Variants in ZNF804B observed in about 807,000 individuals in gnomAD.
ZNF804B encodes zinc finger 804B.
Under a neutral mutation model 101.4 loss-of-function variants are expected in ZNF804B, and 80 were observed. The observed-to-expected ratio is 0.79, with a 90% CI of 0.66 to 0.95. The LOEUF is 0.95. ZNF804B is among the 40% of genes least tolerant of loss of function. The pLI is 0.00. For synonymous variants in ZNF804B, 622 were observed against 558.8 expected (o/e 1.11, Z -1.59); for missense variants, 1,673 against 1,561.9 (o/e 1.07, Z -1.20).
chr7:88,982,604 G>A (rs1271903783), intron 1 of ZNF804B, among the ~76,000 whole-genome samples: 1 of 151,926 alleles, frequency 6.6e-6, no homozygotes, highest in African/African-American at 2.4e-5. Context: ...TTTTTATAAG[G>A]ACACCAGTCA....
chr7:89,032,763 A>G lies in ZNF804B; in HGVS notation c.109-185392A>G, dbSNP rs535540984. ...TAGGGAAATTGTTAGGTTTGCAGAC[A>G]TAACCTACCTGGGAATGCAGAAACT... On this transcript the variant is annotated intron_variant, in intron 1 of 3. Coordinates refer to ENST00000333190, the MANE Select transcript of ZNF804B (RefSeq NM_181646.5). 6.6e-5 allele frequency among the ~76,000 whole-genome samples: 10 copies of G among 152,206 alleles called. No homozygotes were observed. In the East Asian group the frequency reaches 1.9e-3, roughly 29 times the overall value.
rs1791027935 is a variant in ZNF804B, at chr7:89,333,869, T to G, written c.887T>G (p.Ile296Ser). 6.2e-7 allele frequency: 1 copy of G among 1,611,242 alleles called. No homozygotes were observed. The highest frequency in any genetic ancestry group is 1.3e-5 in the African/African-American group (1 of 74,710). Reference sequence around the variant, plus strand: ...CTGGAAAGTGTTTTACACAATACCATCTCCATAAACTCTAAAATTTTGCAA... The same window carrying G: ...CTGGAAAGTGTTTTACACAATACCAGCTCCATAAACTCTAAAATTTTGCAA... ...SHLESVLHNT[I>S]SINSKILQDK... The change falls in exon 4 of 4, where the codon ATC (isoleucine) becomes AGC (serine). Residue 296 changes from isoleucine to serine, a missense_variant. By Grantham distance (142) the Ile-to-Ser change is moderately radical. Coordinates refer to ENST00000333190, the MANE Select transcript of ZNF804B (RefSeq NM_181646.5).
intron 1 of ZNF804B, among the ~76,000 whole-genome samples, chr7:88,964,952 A>G (rs1180108031): frequency 6.6e-6 from 1 of 151,462 alleles, no homozygotes; most frequent in Admixed American, 6.6e-5. Context: ...TTCAGAGAGA[A>G]ATTTTGGGCA....
chr7:89,004,909 C>T (rs1024339200), intron 1 of ZNF804B, among the ~76,000 whole-genome samples: 2 of 151,808 alleles, frequency 1.3e-5, no homozygotes, highest in African/African-American at 4.8e-5. Context: ...ATCATTAATT[C>T]TTGGCTATAT....
rs1054435696 is a variant in ZNF804B at position 89,111,140 on chromosome 7, T to G, written c.109-107015T>G. On this transcript the variant is annotated intron_variant, in intron 1 of 3. Transcript: ENST00000333190. Reference sequence around the variant, plus strand: ...TTATCTCCAACCATTGAAGAATATCTTGGTTGCTTCCAAGTTTTGACAATT... The same window carrying G: ...TTATCTCCAACCATTGAAGAATATCGTGGTTGCTTCCAAGTTTTGACAATT... Among the ~76,000 whole-genome samples, 3 of 152,210 alleles carry G rather than the reference T, an allele frequency of 2.0e-5. 1 individual carries two copies. Among genetic ancestry groups the G allele is most frequent in the African/African-American group, 7.2e-5 (3 of 41,450 alleles).
At chr7:89,205,092 CT>C (rs1788695893) in intron 1 of ZNF804B, among the ~76,000 whole-genome samples, 2 of 152,132 alleles carry the variant, frequency 1.3e-5, no homozygotes, top group Non-Finnish European at 2.9e-5. Flanking sequence ...TGCAGGAGAA[CT>C]CCCATTTATA....
At chr7:89,090,854 G>A (rs1789874583) in intron 1 of ZNF804B, among the ~76,000 whole-genome samples, 1 of 151,806 alleles carries the variant, frequency 6.6e-6, no homozygotes, top group African/African-American at 2.4e-5. Context: ...AGAGTATAAA[G>A]GAACTGAAAA....
chr7:88,843,612 C>T (rs137992766), intron 1 of ZNF804B, among the ~76,000 whole-genome samples: 9,208 of 152,096 alleles, frequency 0.061, 406 homozygotes, highest in South Asian at 0.17. Context: ...TGGCAGGTGC[C>T]TGTAGTCCCA....
intron 1 of ZNF804B, among the ~76,000 whole-genome samples, chr7:89,143,584 T>C (rs1380131570): frequency 6.6e-6 from 1 of 151,230 alleles, no homozygotes; most frequent in East Asian, 1.9e-4. Context: ...CTTATTTCTT[T>C]AGAGCATTTT....
At chr7:89,171,296 T>G (rs543502184) in intron 1 of ZNF804B, among the ~76,000 whole-genome samples, 45 of 79,252 alleles carry the variant, frequency 5.7e-4, no homozygotes, top group African/African-American at 2.1e-3. Flanking sequence ...CTGCTTCTTC[T>G]TCTTCTTCTT....
intron 1 of ZNF804B, among the ~76,000 whole-genome samples, chr7:89,002,474 T>G (rs1343939046): frequency 6.6e-6 from 1 of 151,888 alleles, no homozygotes; most frequent in African/African-American, 2.4e-5. Context: ...TTACATGCAG[T>G]GTATGTTGTC....
chr7:89,049,520 C>A (rs1332127884), intron 1 of ZNF804B, among the ~76,000 whole-genome samples: 1 of 152,094 alleles, frequency 6.6e-6, no homozygotes, highest in Non-Finnish European at 1.5e-5. Flanking sequence ...CCCTTCTATT[C>A]CCCAAAGATC....
intron 1 of ZNF804B, among the ~76,000 whole-genome samples, chr7:89,119,160 C>A (rs1271565613): frequency 1.3e-5 from 2 of 152,096 alleles, no homozygotes; most frequent in Non-Finnish European, 2.9e-5. Context: ...CCTCAAATGG[C>A]CACTGTCATC....
intron 1 of ZNF804B, among the ~76,000 whole-genome samples, chr7:88,906,965 G>A (rs1014841736): frequency 6.6e-6 from 1 of 151,934 alleles, no homozygotes; most frequent in Non-Finnish European, 1.5e-5. Context: ...TTGTTGAATT[G>A]TACCCTTTGT....
chr7:89,230,264 T>G (rs1789169029), intron 2 of ZNF804B, among the ~76,000 whole-genome samples: 1 of 151,732 alleles, frequency 6.6e-6, no homozygotes, highest in South Asian at 2.1e-4. Context: ...AGTTAATGTA[T>G]CTTTAATCAG....
At chr7:88,967,372 C>G (rs551227687) in intron 1 of ZNF804B, among the ~76,000 whole-genome samples, 2 of 151,484 alleles carry the variant, frequency 1.3e-5, no homozygotes, top group South Asian at 2.1e-4. Flanking sequence ...AGAACTCACT[C>G]ACTATTACGA....
chr7:89,188,538 A>T (rs1440527486), intron 1 of ZNF804B, among the ~76,000 whole-genome samples: 2 of 152,194 alleles, frequency 1.3e-5, no homozygotes, highest in East Asian at 3.9e-4. Flanking sequence ...TCAGGAAGGC[A>T]TGGCAAAAGC....
intron 1 of ZNF804B, among the ~76,000 whole-genome samples, chr7:89,020,629 A>G (rs1788652154): frequency 6.6e-6 from 1 of 152,130 alleles, no homozygotes; most frequent in African/African-American, 2.4e-5. Context: ...GTTTTCAGCT[A>G]TTATTTCATT....
intron 1 of ZNF804B, among the ~76,000 whole-genome samples, chr7:88,773,926 A>G (rs1034039220): frequency 1.4e-4 from 22 of 152,144 alleles, no homozygotes; most frequent in African/African-American, 4.8e-4. Context: ...ACCAGGCCCC[A>G]CTTCCAGTAC....
Sources: allele counts gnomAD v4.1 joint callset (sites outside exome capture counted in the v4.1 genomes callset), GRCh38; gene constraint gnomAD v4.1.1; transcripts MANE v1.5; gene names NCBI Gene and HGNC (gene_info 2026-07-23, HGNC 2026-07-21).